PLXDC2: variants seen among roughly 807,000 people sequenced by gnomAD.
The protein encoded by PLXDC2 is plexin domain containing 2.
In PLXDC2, 40 loss-of-function variants were observed where a neutral mutation model predicts 68.9. The observed-to-expected ratio is 0.58, with a 90% CI of 0.45 to 0.76. PLXDC2 has a LOEUF of 0.76. PLXDC2 is among the 30% of genes least tolerant of loss of function. The pLI, the probability that PLXDC2 is intolerant of heterozygous loss-of-function variation, is 0.00. For synonymous variants in PLXDC2, 243 were observed against 234.2 expected (o/e 1.04, Z -0.34); for missense variants, 644 against 661.9 (o/e 0.97, Z 0.30).
chr10:19,833,225 C>T (rs945884103), intron 1 of PLXDC2, among the ~76,000 whole-genome samples: 1 of 152,182 alleles, frequency 6.6e-6, no homozygotes, highest in East Asian at 1.9e-4. Flanking sequence ...AACCATATCA[C>T]CTTCGGTCTA....
At chr10:19,832,899 G>T (rs570712968) in intron 1 of PLXDC2, among the ~76,000 whole-genome samples, 97 of 152,270 alleles carry the variant, frequency 6.4e-4, no homozygotes, top group African/African-American at 2.1e-3. Flanking sequence ...CCAAATCTTG[G>T]CTCTGAAATT....
chr10:20,168,442 C>A (rs751740833), intron 7 of PLXDC2, among the ~76,000 whole-genome samples: 1 of 152,166 alleles, frequency 6.6e-6, no homozygotes, highest in South Asian at 2.1e-4. Flanking sequence ...AAGCTGAGTG[C>A]CCTTCAGAGT....
At chr10:20,147,731 T>G in intron 5 of PLXDC2, 53 bp from the exon 6 acceptor site, 1 of 1,148,514 alleles carries the variant, frequency 8.7e-7, no homozygotes, top group Non-Finnish European at 1.3e-6. Flanking sequence ...CCCACCAGAA[T>G]TGATTGGTAT....
intron 4 of PLXDC2, among the ~76,000 whole-genome samples, chr10:20,134,164 G>A (rs1833903934): frequency 6.6e-6 from 1 of 152,120 alleles, no homozygotes; most frequent in Non-Finnish European, 1.5e-5. Flanking sequence ...AGCTCACTCA[G>A]CTTCAAGATA....
At chr10:20,024,251 A>G (rs1182327197) in intron 2 of PLXDC2, among the ~76,000 whole-genome samples, 2 of 152,208 alleles carry the variant, frequency 1.3e-5, no homozygotes, top group Admixed American at 6.5e-5. Context: ...ACATAAGGGA[A>G]CCAAATATGT....
intron 6 of PLXDC2, among the ~76,000 whole-genome samples, chr10:20,149,897 G>T (rs1490817787): frequency 6.6e-6 from 1 of 152,084 alleles, no homozygotes; most frequent in African/African-American, 2.4e-5. Context: ...GTATGTGTCT[G>T]TGTGGCAGAA....
intron 11 of PLXDC2, 117 bp from the exon 12 acceptor site, chr10:20,218,947 A>G (rs1835175107): frequency 9.2e-7 from 1 of 1,090,108 alleles, no homozygotes; most frequent in Non-Finnish European, 1.3e-6. Flanking sequence ...ACAATAAATT[A>G]TCAAAATCTA....
intron 9 of PLXDC2, among the ~76,000 whole-genome samples, chr10:20,192,526 ATAAT>A (rs763903602): frequency 2.0e-5 from 3 of 152,240 alleles, no homozygotes; most frequent in East Asian, 1.9e-4. Flanking sequence ...TGATTTCTGA[ATAAT>A]TAATTAAAAT....
At chr10:20,090,993 A>T (rs961858634) in intron 4 of PLXDC2, among the ~76,000 whole-genome samples, 1 of 152,146 alleles carries the variant, frequency 6.6e-6, no homozygotes, top group South Asian at 2.1e-4. Context: ...TAGGTAACAA[A>T]TCATTTTGCT....
intron 12 of PLXDC2, among the ~76,000 whole-genome samples, chr10:20,243,719 T>C (rs193002573): frequency 1.4e-4 from 22 of 152,120 alleles, no homozygotes; most frequent in African/African-American, 5.1e-4. Context: ...AAAAAGCTTA[T>C]AACATAGAGG....
chr10:19,873,288 A>G (rs1447578002), intron 1 of PLXDC2, among the ~76,000 whole-genome samples: 2 of 152,126 alleles, frequency 1.3e-5, no homozygotes, highest in East Asian at 3.9e-4. Flanking sequence ...CACACTCAAC[A>G]GAGTAGTTTG....
intron 1 of PLXDC2, among the ~76,000 whole-genome samples, chr10:19,896,264 A>C (rs994248665): frequency 1.3e-5 from 2 of 152,204 alleles, no homozygotes; most frequent in Non-Finnish European, 2.9e-5. Context: ...CACACATGGA[A>C]GGGAAGGCAC....
chr10:19,930,736 G>A (rs570023288), intron 1 of PLXDC2, among the ~76,000 whole-genome samples: 1 of 152,296 alleles, frequency 6.6e-6, no homozygotes, highest in African/African-American at 2.4e-5. Flanking sequence ...GCCGAGGTGG[G>A]TGGGTCACCT....
intron 3 of PLXDC2, among the ~76,000 whole-genome samples, chr10:20,048,322 T>C: frequency 6.6e-6 from 1 of 151,930 alleles, no homozygotes; most frequent in East Asian, 1.9e-4. Context: ...GCTTTCTGCG[T>C]CTGAGAAGCA....
chr10:19,950,296 T>C lies in PLXDC2; in HGVS notation c.113-51479T>C, dbSNP rs192837449. Among the ~76,000 whole-genome samples the C allele has an allele frequency of 2.7e-3, 414 of 152,322 alleles. 2 individuals carry two copies. The highest frequency in any genetic ancestry group is 5.0e-3 in the Non-Finnish European group (338 of 68,020). ...CTCTACCAAAAGGTTCCAGAACTGA[T>C]AAATGACTTCAGTAAAGTTTCGGGG... On this transcript the variant is annotated intron_variant, in intron 1 of 13. Coordinates refer to ENST00000377252, the MANE Select transcript of PLXDC2 (RefSeq NM_032812.9).
intron 10 of PLXDC2, among the ~76,000 whole-genome samples, chr10:20,216,004 C>A (rs1835131236): frequency 6.6e-6 from 1 of 152,022 alleles, no homozygotes; most frequent in South Asian, 2.1e-4. Context: ...GTTTGTGGAG[C>A]CCCCATGGCG....
chr10:20,171,974 G>A (rs970381967), intron 7 of PLXDC2, among the ~76,000 whole-genome samples: 2 of 151,950 alleles, frequency 1.3e-5, no homozygotes, highest in African/African-American at 4.8e-5. Context: ...GTTTGGGGAT[G>A]AGAAATTACT....
intron 9 of PLXDC2, among the ~76,000 whole-genome samples, chr10:20,202,828 C>G (rs1834939240): frequency 6.6e-6 from 1 of 152,116 alleles, no homozygotes; most frequent in South Asian, 2.1e-4. Flanking sequence ...ATCTAATAAT[C>G]TAGCTAGAGT....
intron 3 of PLXDC2, among the ~76,000 whole-genome samples, chr10:20,063,535 G>C (rs1271510515): frequency 6.6e-6 from 1 of 152,004 alleles, no homozygotes; most frequent in Admixed American, 6.6e-5. Flanking sequence ...TGAGAAATAG[G>C]CAAACAAGTC....
Sources: gnomAD v4.1 joint callset for allele counts (sites outside exome capture counted in the v4.1 genomes callset) on GRCh38, gnomAD v4.1.1 for gene constraint, MANE v1.5 for transcripts, NCBI Gene and HGNC (gene_info 2026-07-23, HGNC 2026-07-21) for gene names.